PLPPR1: variants seen among roughly 807,000 people sequenced by gnomAD.
PLPPR1 encodes phospholipid phosphatase-related protein type 1.
In PLPPR1, 10 loss-of-function variants were observed where a neutral mutation model predicts 33.1. The ratio of observed to expected loss-of-function variants is 0.30; its 90% CI spans 0.19 to 0.51. The LOEUF is 0.51. Among genes scored for constraint, PLPPR1 ranks in the 20% least tolerant of loss-of-function variants. The pLI is 0.97. For missense variants in PLPPR1, 304 were observed against 408.1 expected (o/e 0.74, Z 2.20); for synonymous variants, 151 against 151.0 (o/e 1.00, Z 0.00).
intron 1 of PLPPR1, among the ~76,000 whole-genome samples, chr9:101,092,746 G>A (rs566746373): frequency 6.6e-6 from 1 of 152,250 alleles, no homozygotes; most frequent in Admixed American, 6.5e-5. Context: ...CTAATTGTTT[G>A]TGTCCCCTCA....
intron 1 of PLPPR1, among the ~76,000 whole-genome samples, chr9:101,071,795 A>G (rs144739089): frequency 1.3e-5 from 2 of 152,300 alleles, no homozygotes; most frequent in African/African-American, 4.8e-5. Flanking sequence ...TGTCAGGAAT[A>G]GTGAATAATT....
chr9:101,262,617 C>A (rs1176678475), intron 2 of PLPPR1, among the ~76,000 whole-genome samples: 1 of 152,050 alleles, frequency 6.6e-6, no homozygotes, highest in East Asian at 1.9e-4. Context: ...GGATCTAGAA[C>A]CAGAAATACC....
chr9:101,245,621 G>A (rs879921488), intron 2 of PLPPR1, among the ~76,000 whole-genome samples: 2 of 151,768 alleles, frequency 1.3e-5, no homozygotes, highest in Admixed American at 6.6e-5. Flanking sequence ...AGTATTAAAC[G>A]CTAAAAGAGT....
chr9:101,109,044 C>T (rs373614226), intron 1 of PLPPR1, among the ~76,000 whole-genome samples: 12 of 150,824 alleles, frequency 8.0e-5, no homozygotes, highest in African/African-American at 2.2e-4. Context: ...CTGCAAGCTC[C>T]GCCTTCCGGA....
At chr9:101,259,281 G>A (rs1827854017) in intron 2 of PLPPR1, among the ~76,000 whole-genome samples, 1 of 152,136 alleles carries the variant, frequency 6.6e-6, no homozygotes, top group Non-Finnish European at 1.5e-5. Flanking sequence ...GGCCATGCCT[G>A]ATGGGATTTG....
intron 1 of PLPPR1, among the ~76,000 whole-genome samples, chr9:101,141,386 T>A (rs1352830913): frequency 6.6e-6 from 1 of 152,196 alleles, no homozygotes; most frequent in Non-Finnish European, 1.5e-5. Context: ...TGAATTATCT[T>A]ATTTAATTCT....
At chr9:101,218,418 G>T (rs2118782760) in intron 2 of PLPPR1, among the ~76,000 whole-genome samples, 1 of 152,264 alleles carries the variant, frequency 6.6e-6, no homozygotes, top group South Asian at 2.1e-4. Context: ...TTCTGGGTGG[G>T]ACATGTGGCC....
intron 2 of PLPPR1, among the ~76,000 whole-genome samples, chr9:101,203,726 A>G (rs949002308): frequency 6.6e-6 from 1 of 151,484 alleles, no homozygotes; most frequent in African/African-American, 2.4e-5. Context: ...CATTATATAG[A>G]TATGTTATAT....
chr9:101,188,654 C>T (rs1220745303), intron 2 of PLPPR1, among the ~76,000 whole-genome samples: 2 of 151,890 alleles, frequency 1.3e-5, no homozygotes, highest in African/African-American at 4.8e-5. Context: ...TTTCTTGCTC[C>T]CTACCATCAT....
intron 1 of PLPPR1, among the ~76,000 whole-genome samples, chr9:101,046,516 T>G (rs1277180199): frequency 6.8e-6 from 1 of 146,332 alleles, no homozygotes; most frequent in Admixed American, 7.0e-5. Context: ...CTCAGCTCAC[T>G]GCAAGCTCTG....
chr9:101,123,932 C>T (rs915959762), intron 1 of PLPPR1, among the ~76,000 whole-genome samples: 1 of 152,170 alleles, frequency 6.6e-6, no homozygotes, highest in Non-Finnish European at 1.5e-5. Context: ...GGACCTCAGA[C>T]ATGTTCCAAG....
chr9:101,291,510 C>T (rs1331944663), intron 4 of PLPPR1, among the ~76,000 whole-genome samples: 2 of 152,196 alleles, frequency 1.3e-5, no homozygotes, highest in East Asian at 3.9e-4. Context: ...TGACCCCTGA[C>T]CCCCGAGCAG....
chr9:101,256,537 C>T (rs1422790224), intron 2 of PLPPR1, among the ~76,000 whole-genome samples: 1 of 152,094 alleles, frequency 6.6e-6, no homozygotes, highest in African/African-American at 2.4e-5. Context: ...CAAAGCAACC[C>T]AGAGATCCAA....
In PLPPR1 at chr9:101,108,426, A is replaced by G. The variant is rs1172124489; in HGVS notation, c.-45-77024A>G. On this transcript the variant is annotated intron_variant, in intron 1 of 7. Coordinates refer to ENST00000374874, the MANE Select transcript of PLPPR1 (RefSeq NM_207299.2). The stretch of plus-strand genomic sequence containing the variant: ...GATGTTTGTTGAATGAAATAAAAAC[A>G]TGCATAGGTGATGCATAAAGAAATG... 2.6e-5 allele frequency among the ~76,000 whole-genome samples: 4 copies of G among 152,378 alleles called. No homozygotes were observed. The South Asian group carries it at 8.3e-4, about 32-fold the overall frequency.
At chr9:101,060,773 A>G (rs1313334506) in intron 1 of PLPPR1, among the ~76,000 whole-genome samples, 1 of 151,868 alleles carries the variant, frequency 6.6e-6, no homozygotes, top group African/African-American at 2.4e-5. Flanking sequence ...TAGAATTTCT[A>G]TATATAACTT....
intron 2 of PLPPR1, among the ~76,000 whole-genome samples, chr9:101,263,601 CAT>C (rs1478410622): frequency 6.6e-6 from 1 of 152,122 alleles, no homozygotes; most frequent in Non-Finnish European, 1.5e-5. Context: ...AAGTATGTAA[CAT>C]AGTTTAGTTC....
At chr9:101,290,473 G>T (rs185703395) in intron 4 of PLPPR1, among the ~76,000 whole-genome samples, 7 of 152,132 alleles carry the variant, frequency 4.6e-5, no homozygotes, top group Admixed American at 1.3e-4. Context: ...ATGAAAAAAC[G>T]TGAGATTCTA....
intron 3 of PLPPR1, among the ~76,000 whole-genome samples, chr9:101,271,377 A>G (rs992572110): frequency 6.6e-6 from 1 of 152,098 alleles, no homozygotes; most frequent in Admixed American, 6.6e-5. Context: ...GAAACAAAAA[A>G]CCTGGCTGGA....
Position 101,324,742 on chromosome 9 carries a change from G to T in PLPPR1, c.*685G>T, listed in dbSNP as rs1829222222. On this transcript the variant is annotated 3_prime_UTR_variant, in exon 8 of 8. Transcript: ENST00000374874. ...ATCTTTCTGGAATGTCTTCTGGCAG[G>T]CAGGTGCCACTGTCAGCTTTTCTCC... 6.6e-6 allele frequency: 1 copy of T among 152,600 alleles called. No individual in the cohort carries two copies. The highest frequency in any genetic ancestry group is 6.5e-5 in the Admixed American group (1 of 15,274). 9.5% of individuals were successfully genotyped at this position (152,600 alleles called of 1,614,324 possible).
Sources: gnomAD v4.1 joint callset for allele counts (sites outside exome capture counted in the v4.1 genomes callset) on GRCh38, gnomAD v4.1.1 for gene constraint, MANE v1.5 for transcripts, NCBI Gene and HGNC (gene_info 2026-07-23, HGNC 2026-07-21) for gene names.